The following BCAS3 variants were observed in gnomAD, a reference collection of about 807,000 sequenced individuals.
The protein encoded by BCAS3 is BCAS4/BCAS3 fusion.
Under a neutral mutation model 116.1 loss-of-function variants are expected in BCAS3, and 53 were observed. That is an observed-to-expected ratio of 0.46 (90% CI 0.37 to 0.57). The LOEUF (loss-of-function observed/expected upper bound fraction) is 0.57. Ranked by LOEUF, BCAS3 falls within the 20% of genes least tolerant of loss-of-function variation. The pLI is 0.00. For missense variants in BCAS3, 917 were observed against 1,165.4 expected, an observed-to-expected ratio of 0.79 and a Z score of 3.10; for synonymous variants, 391 against 408.2, an observed-to-expected ratio of 0.96 and a Z score of 0.51.
intron 6 of BCAS3, among the ~76,000 whole-genome samples, chr17:60,785,845 G>A (rs1371735774): frequency 4.6e-5 from 7 of 152,202 alleles, no homozygotes. Flanking sequence ...AAGATACTTA[G>A]AGAAAAAGTT....
chr17:60,980,982 T>C (rs2062776872), intron 14 of BCAS3, among the ~76,000 whole-genome samples: 1 of 152,066 alleles, frequency 6.6e-6, no homozygotes, highest in Non-Finnish European at 1.5e-5. Context: ...TACAGGCATG[T>C]GCCACCATGC....
intron 22 of BCAS3, among the ~76,000 whole-genome samples, chr17:61,264,471 T>C (rs1185473223): frequency 6.6e-6 from 1 of 151,580 alleles, no homozygotes; most frequent in Non-Finnish European, 1.5e-5. Context: ...TGCAGTAGCA[T>C]GATATTGGCT....
intron 22 of BCAS3, among the ~76,000 whole-genome samples, chr17:61,120,512 T>G (rs549403554): frequency 1.3e-5 from 2 of 152,238 alleles, no homozygotes; most frequent in Admixed American, 1.3e-4. Flanking sequence ...TAACTCCTTA[T>G]TATGAAACAT....
At chr17:61,167,828 C>G (rs2078605449) in intron 22 of BCAS3, among the ~76,000 whole-genome samples, 1 of 151,778 alleles carries the variant, frequency 6.6e-6, no homozygotes, top group Non-Finnish European at 1.5e-5. Flanking sequence ...AGGGCTGTGA[C>G]TTGCATTTTG....
chr17:61,120,948 G>T (rs1179842240), intron 22 of BCAS3, among the ~76,000 whole-genome samples: 1 of 151,646 alleles, frequency 6.6e-6, no homozygotes, highest in Non-Finnish European at 1.5e-5. Flanking sequence ...AGGAAACCGG[G>T]ACATTTATCT....
intron 22 of BCAS3, among the ~76,000 whole-genome samples, chr17:61,242,737 GTTGAA>G (rs2047624260): frequency 2.6e-5 from 4 of 152,180 alleles, no homozygotes; most frequent in Admixed American, 2.0e-4. Flanking sequence ...CTGAGCCAAT[GTTGAA>G]TTGAAGTAAT....
At chr17:60,726,251 A>G (rs1349425808) in intron 5 of BCAS3, among the ~76,000 whole-genome samples, 6 of 134,128 alleles carry the variant, frequency 4.5e-5, no homozygotes, top group East Asian at 2.2e-4. Context: ...CCCAGGCTGG[A>G]GTGCAGTGGC....
intron 23 of BCAS3, among the ~76,000 whole-genome samples, chr17:61,375,060 G>A (rs1039845142): frequency 6.6e-6 from 1 of 152,142 alleles, no homozygotes; most frequent in Non-Finnish European, 1.5e-5. Context: ...CTACTTTTAT[G>A]TACTGAAAGG....
In BCAS3 at chr17:60,774,537, A is replaced by T. The variant is rs533820551; in HGVS notation, c.403+27258A>T. Reference sequence around the variant, plus strand: ...CATTTTGAATTTTGTGTTGCTCAGGACTATTTTGTATTCCTTTAAATATTT... The same window carrying T: ...CATTTTGAATTTTGTGTTGCTCAGGTCTATTTTGTATTCCTTTAAATATTT... On this transcript the variant is annotated intron_variant, in intron 6 of 23. Transcript: ENST00000407086. 1.6e-3 allele frequency among the ~76,000 whole-genome samples: 248 copies of T among 152,304 alleles called. 1 individual carries two copies. Among genetic ancestry groups the T allele is most frequent in the Non-Finnish European group, 2.3e-3 (159 of 68,024 alleles).
intron 16 of BCAS3, among the ~76,000 whole-genome samples, chr17:61,025,309 A>G (rs764378858): frequency 7.9e-5 from 12 of 152,068 alleles, no homozygotes; most frequent in South Asian, 2.1e-4. Context: ...GAAGTAGAAT[A>G]AAAGTGCAAT....
rs2057934799 is a variant in BCAS3, at chr17:61,352,935, C to T, written c.2426-15392C>T. Among the ~76,000 whole-genome samples, 1 of 152,180 alleles carries T rather than the reference C, an allele frequency of 6.6e-6. No individual in the cohort carries two copies. The highest frequency in any genetic ancestry group is 2.1e-4 in the South Asian group (1 of 4,830). On this transcript the variant is annotated intron_variant, in intron 22 of 23. Coordinates refer to ENST00000407086, the MANE Select transcript of BCAS3 (RefSeq NM_017679.5). The surrounding 1 kb of genome is among the most constrained non-coding windows in gnomAD (Gnocchi z 4.7). ...TTGTTTGCTTTAATGGAGTGTTAAC[C>T]CCCGTCGCTGGAACTCATGTTAATG...
chr17:60,899,257 AC>A (rs2057714458), intron 10 of BCAS3, among the ~76,000 whole-genome samples: 1 of 150,314 alleles, frequency 6.7e-6, no homozygotes, highest in African/African-American at 2.5e-5. Flanking sequence ...AGTGGGGCTC[AC>A]CCCCCAGTCC....
Position 60,887,092 on chromosome 17 carries a change from G to T in BCAS3, c.662-2603G>T, listed in dbSNP as rs550306233. 415 of 154,912 alleles carry T rather than the reference G, an allele frequency of 2.7e-3. 3 individuals are homozygous for T. The highest frequency in any genetic ancestry group is 4.8e-3 in the Non-Finnish European group (331 of 69,164). The allele number at this position is 154,912 out of a possible 1,614,324, so 9.6% of individuals were successfully genotyped here. On this transcript the variant is annotated intron_variant, in intron 9 of 23. Transcript: ENST00000407086. ...TCTCAGACTGCTGTGCTGGCAATCA[G>T]CGAGACTCCGTGGGCGTAGGACCCT...
intron 5 of BCAS3, among the ~76,000 whole-genome samples, chr17:60,745,855 G>A (rs960130503): frequency 7.2e-5 from 11 of 152,040 alleles, no homozygotes; most frequent in South Asian, 2.1e-4. Flanking sequence ...TCATTTAGGC[G>A]TTATCACAAC....
chr17:60,835,347 G>A (rs7208501), intron 7 of BCAS3, among the ~76,000 whole-genome samples: 33,237 of 151,724 alleles, frequency 0.22, 4,704 homozygotes, highest in African/African-American at 0.41. Context: ...CATGAATACC[G>A]AAGGCAGATT....
chr17:61,306,705 G>A (rs984278609), intron 22 of BCAS3, among the ~76,000 whole-genome samples: 1 of 152,108 alleles, frequency 6.6e-6, no homozygotes, highest in Admixed American at 6.5e-5. Flanking sequence ...GAGCCCAGGA[G>A]CTCAAGGCTG....
At chr17:60,893,176 C>T (rs1408338360) in intron 10 of BCAS3, among the ~76,000 whole-genome samples, 1 of 151,930 alleles carries the variant, frequency 6.6e-6, no homozygotes, top group African/African-American at 2.4e-5. Flanking sequence ...CAAATATTTT[C>T]TCCCATTGTG....
intron 6 of BCAS3, among the ~76,000 whole-genome samples, chr17:60,779,702 TA>T (rs1366126715): frequency 3.9e-5 from 6 of 152,160 alleles, no homozygotes; most frequent in African/African-American, 1.4e-4. Context: ...CCTATCAAGA[TA>T]GCTTATTATG....
At chr17:60,740,908 C>T (rs866759627) in intron 5 of BCAS3, among the ~76,000 whole-genome samples, 31 of 152,102 alleles carry the variant, frequency 2.0e-4, no homozygotes, top group African/African-American at 7.5e-4. Flanking sequence ...GATTTTTATT[C>T]AGTATTGGCT....
Sources: allele counts gnomAD v4.1 joint callset (sites outside exome capture counted in the v4.1 genomes callset), GRCh38; gene constraint gnomAD v4.1.1; non-coding constraint Gnocchi (gnomAD v3.1); transcripts MANE v1.5; gene names NCBI Gene and HGNC (gene_info 2026-07-23, HGNC 2026-07-21).